The following PINK1 variants were observed in gnomAD, a reference collection of about 807,000 sequenced individuals.
PINK1 encodes PTEN induced kinase 1.
Under a neutral mutation model 56.0 loss-of-function variants are expected in PINK1, and 58 were observed. That is an observed-to-expected ratio of 1.04 (90% CI 0.84 to 1.29). The LOEUF is 1.29. Ranked by LOEUF, PINK1 falls within the 50% of genes most tolerant of loss-of-function variation. PINK1 has a pLI of 0.00. For synonymous variants in PINK1, 354 were observed against 339.3 expected, an observed-to-expected ratio of 1.04 and a Z score of -0.48; for missense variants, 745 against 777.9, an observed-to-expected ratio of 0.96 and a Z score of 0.50.
intron 1 of PINK1, 32 bp downstream of exon 1, chr1:20,633,967 G>C: frequency 2.6e-6 from 4 of 1,568,490 alleles, no homozygotes; most frequent in Non-Finnish European, 3.4e-6. Flanking sequence ...GCCGAGCGGA[G>C]GACGGAGCTA....
In PINK1 at chr1:20,633,565, C is replaced by T. The variant is rs1038480938; in HGVS notation, c.17C>T (p.Ala6Val). ...GGCGCCACCATGGCGGTGCGACAGGCGCTGGGCCGCGGCCTGCAGCTGGGT... is the reference window on the plus strand; with the variant it reads ...GGCGCCACCATGGCGGTGCGACAGGTGCTGGGCCGCGGCCTGCAGCTGGGT... Reference protein sequence around the residue: MAVRQALGRGLQLGRA... With the variant: MAVRQVLGRGLQLGRA... The change falls in exon 1 of 8, where the codon GCG becomes GTG. Residue 6 changes from alanine (A) to valine (V), a missense_variant. Physicochemically the swap from Ala to Val is moderately conservative, Grantham distance 64 (BLOSUM62 0). Transcript: ENST00000321556. The T allele has an allele frequency of 2.5e-5, 30 of 1,189,124 alleles. No individual in the cohort carries two copies. The highest frequency in any genetic ancestry group is 3.4e-4 in the Middle Eastern group (1 of 2,956). 73.7% of individuals were successfully genotyped at this position (1,189,124 alleles called of 1,614,324 possible).
chr1:20,649,075 T>C lies in PINK1; in HGVS notation c.1332T>C (p.Tyr444=). The C allele has an allele frequency of 6.2e-7, 1 of 1,614,258 alleles. No individual in the cohort carries two copies. The highest frequency in any genetic ancestry group is 8.5e-7 in the Non-Finnish European group (1 of 1,180,040). Residue 444 remains tyrosine, a synonymous_variant, in exon 7 of 8, where the codon TAT becomes TAC. Transcript: ENST00000321556. ...CCTGGGCAGTGGGAGCCATCGCCTATGAAATCTTCGGGCTTGTCAATCCCT... is the reference window on the plus strand; with the variant it reads ...CCTGGGCAGTGGGAGCCATCGCCTACGAAATCTTCGGGCTTGTCAATCCCT... The part of the protein sequence containing the change: ...ADAWAVGAIA[Y]EIFGLVNPFY...
rs1557568930 is a variant in PINK1 at position 20,651,102 on chromosome 1, C to T, written c.*411C>T. The T allele has an allele frequency of 1.0e-5, 3 of 287,610 alleles. No individual in the cohort carries two copies. The highest frequency in any genetic ancestry group is 7.3e-5 in the South Asian group (2 of 27,270). 17.8% of individuals were successfully genotyped at this position (287,610 alleles called of 1,614,324 possible). A position where few individuals can be genotyped will look rare whatever the true frequency, so the allele number is the denominator to read the frequency against. On this transcript the variant is annotated 3_prime_UTR_variant, in exon 8 of 8. Coordinates refer to ENST00000321556, the MANE Select transcript of PINK1 (RefSeq NM_032409.3). The stretch of plus-strand genomic sequence containing the variant: ...AGGCAGACATCAACATGGGTCAGCA[C>T]GTTCAGTTACGGGAGTGGGAAATTA...
In PINK1 at chr1:20,641,730, C is replaced by T. The variant is rs76795760; in HGVS notation, c.776+1738C>T. Among the ~76,000 whole-genome samples the T allele has an allele frequency of 1.7e-3, 266 of 152,184 alleles. 6 individuals carry two copies. The East Asian group carries it at 0.043, about 25-fold the overall frequency. On this transcript the variant is annotated intron_variant, in intron 3 of 7. Transcript: ENST00000321556. This position sits in a 1 kb window ranked among gnomAD's most constrained non-coding sequence, Gnocchi z 4.0. Reference sequence around the variant, plus strand: ...TTAACCTGCTCATCTCACCACGTCTCCCGCCTTATCTCTCACCCTTCTCAT... The same window carrying T: ...TTAACCTGCTCATCTCACCACGTCTTCCGCCTTATCTCTCACCCTTCTCAT...
At chr1:20,650,384 T>TAA in intron 7 of PINK1, 50 bp from the exon 8 acceptor site, 2 of 1,609,772 alleles carry the variant, frequency 1.2e-6, no homozygotes, top group Non-Finnish European at 1.7e-6. Context: ...GGCTTTGGGT[T>TAA]GAGACTGTGT....
intron 1 of PINK1, among the ~76,000 whole-genome samples, chr1:20,634,667 C>T (rs2053038182): frequency 6.6e-6 from 1 of 152,170 alleles, no homozygotes; most frequent in Non-Finnish European, 1.5e-5. Flanking sequence ...TCTTAAAAGC[C>T]GCAGAGTAGG....
intron 1 of PINK1, among the ~76,000 whole-genome samples, chr1:20,634,627 G>A (rs370896244): frequency 6.6e-6 from 1 of 152,004 alleles, no homozygotes; most frequent in East Asian, 1.9e-4. Flanking sequence ...TTTATTTTGA[G>A]GACCTGGCTC....
chr1:20,650,870 C>T lies in PINK1; in HGVS notation c.*179C>T. The T allele has an allele frequency of 1.2e-6, 1 of 819,842 alleles. No individual in the cohort carries two copies. Among genetic ancestry groups the T allele is most frequent in the Non-Finnish European group, 1.9e-6 (1 of 513,962 alleles). 50.8% of individuals were successfully genotyped at this position (819,842 alleles called of 1,614,324 possible). On this transcript the variant is annotated 3_prime_UTR_variant, in exon 8 of 8. Transcript: ENST00000321556. ...TTGAGTGAGAGTTCAGTCTGCAGTC[C>T]TCTGCTCACAGACATCTGAAAAGTG...
In PINK1 at chr1:20,633,478, G is replaced by A. The variant is rs2053011037; in HGVS notation, c.-71G>A. On this transcript the variant is annotated 5_prime_UTR_variant, in exon 1 of 8. Coordinates refer to ENST00000321556, the MANE Select transcript of PINK1 (RefSeq NM_032409.3). ...TGCGCAGAGGCACCGCCCCAAGTTT[G>A]TTGTGACCGGCGGGGGACGCCGGTG... 9.3e-7 allele frequency: 1 copy of A among 1,080,184 alleles called. No homozygotes were observed. The highest frequency in any genetic ancestry group is 1.7e-5 in the African/African-American group (1 of 59,482). The allele number at this position is 1,080,184 out of a possible 1,614,324, so 66.9% of individuals were successfully genotyped here.
intron 7 of PINK1, 170 bp from the exon 8 acceptor site, chr1:20,650,264 G>A: frequency 1.2e-6 from 1 of 844,692 alleles, no homozygotes; most frequent in Non-Finnish European, 1.9e-6. Flanking sequence ...TTGGAGCACG[G>A]GCAGGGGACA....
At chr1:20,635,259 T>C (rs551667013) in intron 1 of PINK1, among the ~76,000 whole-genome samples, 1 of 152,288 alleles carries the variant, frequency 6.6e-6, no homozygotes, top group African/African-American at 2.4e-5. Flanking sequence ...TCCCAGCACT[T>C]TGGGAGGCTG....
Position 20,649,127 on chromosome 1 carries a change from G to A in PINK1, c.1384G>A (p.Glu462Lys), listed in dbSNP as rs1361880248. The A allele has an allele frequency of 6.2e-7, 1 of 1,614,138 alleles. No individual in the cohort carries two copies. Among genetic ancestry groups the A allele is most frequent in the African/African-American group, 1.3e-5 (1 of 74,954 alleles). ...CTACGGCCAGGGCAAGGCCCACCTT[G>A]AAAGCCGCAGCTACCAAGAGGCTCA... ...PFYGQGKAHL[E>K]SRSYQEAQLP... is the part of the protein sequence containing the mutation. Residue 462 changes from glutamate to lysine, a missense_variant, in exon 7 of 8, where the codon GAA becomes AAA. Transcript: ENST00000321556.
chr1:20,649,330 T>A (rs536108021), intron 7 of PINK1, 99 bp downstream of exon 7: 2 of 1,274,044 alleles, frequency 1.6e-6, no homozygotes, highest in East Asian at 2.3e-5. Context: ...CAGTGACAGA[T>A]CCTCTGTGTT....
chr1:20,647,053 ATTT>A lies in PINK1; in HGVS notation c.1123+1349_1123+1351del, dbSNP rs71585775. On this transcript the variant is annotated intron_variant, in intron 5 of 7. Transcript: ENST00000321556. ...TGCCACCACGCCTAGCTAATTTTTG[ATTT>A]TTTTTTTTTTTTTTTTTTGAGACTG... Among the ~76,000 whole-genome samples, 411 of 91,468 alleles carry A rather than the reference ATTT, an allele frequency of 4.5e-3. 3 individuals carry two copies. Among genetic ancestry groups the A allele is most frequent in the South Asian group, 0.023 (59 of 2,592 alleles). 60.0% of individuals were successfully genotyped at this position (91,468 alleles called of 152,430 possible).
intron 1 of PINK1, 79 bp from the exon 2 acceptor site, chr1:20,637,761 CCT>C: frequency 6.5e-7 from 1 of 1,532,842 alleles, no homozygotes; most frequent in Non-Finnish European, 9.0e-7. Flanking sequence ...CCTTGCTGCA[CCT>C]CTCTCTGCCT....
intron 7 of PINK1, 43 bp downstream of exon 7, chr1:20,649,274 CCT>C: frequency 5.0e-6 from 8 of 1,595,188 alleles, no homozygotes; most frequent in Non-Finnish European, 6.0e-6. Context: ...TGGGTAGAAA[CCT>C]CTGTTCTCGT....
At chr1:20,648,107 CA>C (rs1445355940) in intron 5 of PINK1, among the ~76,000 whole-genome samples, 4 of 152,182 alleles carry the variant, frequency 2.6e-5, no homozygotes, top group African/African-American at 7.2e-5. Context: ...CCACACCCGG[CA>C]ATAACTGATT....
At chr1:20,648,191 C>T (rs2053211129) in intron 5 of PINK1, 3 of 417,606 alleles carry the variant, frequency 7.2e-6, no homozygotes, top group South Asian at 6.4e-5. Flanking sequence ...GGTATAAGGG[C>T]CCTTGGAGAT....
At chr1:20,635,370 G>A (rs1160549457) in intron 1 of PINK1, among the ~76,000 whole-genome samples, 1 of 151,992 alleles carries the variant, frequency 6.6e-6, no homozygotes, top group East Asian at 1.9e-4. Context: ...GCGCAGTGGT[G>A]GGCGCCTGTA....
Sources: gnomAD v4.1 joint callset for allele counts (sites outside exome capture counted in the v4.1 genomes callset) on GRCh38, gnomAD v4.1.1 for gene constraint, Gnocchi (gnomAD v3.1) non-coding constraint, MANE v1.5 for transcripts, NCBI Gene and HGNC (gene_info 2026-07-23, HGNC 2026-07-21) for gene names.